ANK3: variants seen among roughly 807,000 people sequenced by gnomAD.
The protein encoded by ANK3 is ankyrin 3, also known as ankyrin-3.
Under a neutral mutation model 370.9 loss-of-function variants are expected in ANK3, and 57 were observed. That is an observed-to-expected ratio of 0.15 (90% CI 0.12 to 0.19). The LOEUF is 0.19. Among genes scored for constraint, ANK3 ranks in the 10% least tolerant of loss-of-function variants. The probability of loss-of-function intolerance (pLI) is 1.00; values close to 1 mark genes in which losing one functional copy is unlikely to be tolerated. For missense variants in ANK3, 4,439 were observed against 5,302.1 expected, an observed-to-expected ratio of 0.84 and a Z score of 5.06; for synonymous variants, 1,929 against 1,946.3, an observed-to-expected ratio of 0.99 and a Z score of 0.23.
intron 17 of ANK3, among the ~76,000 whole-genome samples, chr10:60,186,171 A>G (rs2096323420): frequency 6.6e-6 from 1 of 152,174 alleles, no homozygotes; most frequent in African/African-American, 2.4e-5. Flanking sequence ...CTTCTTTGCT[A>G]TGTTATGGTG....
intron 2 of ANK3, among the ~76,000 whole-genome samples, chr10:60,494,197 T>A (rs1283658137): frequency 6.6e-6 from 1 of 152,184 alleles, no homozygotes; most frequent in Non-Finnish European, 1.5e-5. Flanking sequence ...ATGAGACTAT[T>A]TGAGTCAAGA....
At chr10:60,058,288 A>G (rs1436795592) in intron 41 of ANK3, among the ~76,000 whole-genome samples, 2 of 152,218 alleles carry the variant, frequency 1.3e-5, no homozygotes, top group Non-Finnish European at 2.9e-5. Context: ...ATTTGAAACT[A>G]TGTCTCAGAT....
chr10:60,575,339 G>GA (rs5785457), intron 2 of ANK3, among the ~76,000 whole-genome samples: 44 of 144,296 alleles, frequency 3.0e-4, no homozygotes, highest in Admixed American at 4.8e-4. Flanking sequence ...TGGTTGGATG[G>GA]AAAAAAAAAA....
intron 1 of ANK3, among the ~76,000 whole-genome samples, chr10:60,355,493 A>G (rs1017809075): frequency 5.3e-5 from 8 of 152,076 alleles, no homozygotes; most frequent in Non-Finnish European, 1.0e-4. Context: ...GAGCTAGGAG[A>G]TTGGGCAAAG....
chr10:60,145,906 A>G (rs2094796388), intron 23 of ANK3: 1 of 703,132 alleles, frequency 1.4e-6, no homozygotes, highest in Admixed American at 2.0e-5. Context: ...TGAATGAAAG[A>G]GCAGTGATTG....
intron 23 of ANK3, among the ~76,000 whole-genome samples, chr10:60,152,621 T>G (rs2095181914): frequency 6.6e-6 from 1 of 152,228 alleles, no homozygotes; most frequent in Non-Finnish European, 1.5e-5. Context: ...TAGTTTTGTA[T>G]TTGTACTACT....
intron 42 of ANK3, chr10:60,053,712 C>G: frequency 1.5e-6 from 2 of 1,303,952 alleles, no homozygotes; most frequent in Non-Finnish European, 2.0e-6. Flanking sequence ...GTAGGAGCCG[C>G]ACCCGGACTT....
In ANK3 at chr10:60,363,284, C is replaced by T. The variant is rs534437482; in HGVS notation, c.114+26141G>A. Among the ~76,000 whole-genome samples, 53 of 152,200 alleles carry T rather than the reference C, an allele frequency of 3.5e-4. No homozygotes were observed. The South Asian group carries it at 7.9e-3, about 23-fold the overall frequency. On this transcript the variant is annotated intron_variant, in intron 1 of 43. Coordinates refer to ENST00000280772, the MANE Select transcript of ANK3 (RefSeq NM_020987.5). ...GGAGCGAAGGCCAACATCACTAAAC[C>T]GAAATAGCACCAGCAGCTGTCTACC...
chr10:60,571,314 A>T (rs572708970), intron 2 of ANK3, among the ~76,000 whole-genome samples: 2 of 152,216 alleles, frequency 1.3e-5, no homozygotes, highest in Non-Finnish European at 2.9e-5. Flanking sequence ...GTCTGCTGGT[A>T]GTAGGTCCCT....
Position 60,084,663 on chromosome 10 carries a change from A to G in ANK3, c.4013T>C (p.Val1338Ala), listed in dbSNP as rs1036443241. The change falls in exon 32 of 44, where the codon GTG becomes GCG. Residue 1338 changes from valine to alanine, a missense_variant. Physicochemically the swap from Val to Ala is moderately conservative, Grantham distance 64. This residue lies in a region of ANK3 where 702 missense variants were observed against 941.5 expected (regional missense o/e 0.75). Transcript: ENST00000280772. Reference protein sequence around the residue: ...LRCFCMTDDKVDKTLEQQENF... With the variant: ...LRCFCMTDDKADKTLEQQENF... ...CTCTTGTTGCTCTAAAGTTTTGTCC[A>G]CTTTGTCATCTGTCATGCAGAAACA... 5 of 1,613,836 alleles carry G rather than the reference A, an allele frequency of 3.1e-6. No homozygotes were observed. In the Admixed American group the frequency reaches 5.0e-5, roughly 16 times the overall value.
At chr10:60,589,045 A>T (rs2077874417) in intron 2 of ANK3, among the ~76,000 whole-genome samples, 1 of 152,216 alleles carries the variant, frequency 6.6e-6, no homozygotes, top group Non-Finnish European at 1.5e-5. Context: ...CCTGACTCAA[A>T]CAAGTCTATT....
At chr10:60,529,386 A>G (rs140895176) in intron 2 of ANK3, among the ~76,000 whole-genome samples, 170 of 152,318 alleles carry the variant, frequency 1.1e-3, no homozygotes, top group Non-Finnish European at 2.2e-3. Flanking sequence ...ACAGATGCAC[A>G]TGGTGGAAGA....
At chr10:60,077,672 A>T (rs979669186) in intron 36 of ANK3, among the ~76,000 whole-genome samples, 1 of 152,208 alleles carries the variant, frequency 6.6e-6, no homozygotes, top group African/African-American at 2.4e-5. Context: ...CCTAATCTAC[A>T]TTTAATTTTC....
chr10:60,659,454 C>T (rs1393470670), intron 1 of ANK3, among the ~76,000 whole-genome samples: 1 of 151,988 alleles, frequency 6.6e-6, no homozygotes, highest in Non-Finnish European at 1.5e-5. Context: ...TTAATTATTA[C>T]TTTATTCTAT....
chr10:60,173,973 T>C (rs1365926737), intron 18 of ANK3, among the ~76,000 whole-genome samples: 3 of 152,182 alleles, frequency 2.0e-5, no homozygotes, highest in Non-Finnish European at 4.4e-5. Context: ...TATAACATAC[T>C]ACCCCGCAAT....
At position 60,507,860 on chromosome 10, in the gene ANK3, A is replaced by C. The variant is rs903536696; in HGVS notation, c.96+107326T>G. 129 of 152,240 alleles carry C rather than the reference A, an allele frequency of 8.5e-4. 1 individual carries two copies. The highest frequency in any genetic ancestry group is 8.3e-3 in the Admixed American group (127 of 15,270). 9.4% of individuals were successfully genotyped at this position (152,240 alleles called of 1,614,324 possible). A position where few individuals can be genotyped will look rare whatever the true frequency, so the allele number is the denominator to read the frequency against. On this transcript the variant is annotated intron_variant, in intron 2 of 43. Transcript: ENST00000373827. ...ATGACAATGTATTTTTCCAATAGTA[A>C]GTTGAATAGGAATCCACATTCCTAT...
intron 2 of ANK3, among the ~76,000 whole-genome samples, chr10:60,518,863 T>C (rs2076285078): frequency 6.6e-6 from 1 of 152,034 alleles, no homozygotes. Context: ...GGCATTTTGA[T>C]AATTCATGAC....
At chr10:60,348,208 C>G (rs1480310412) in intron 1 of ANK3, among the ~76,000 whole-genome samples, 2 of 152,040 alleles carry the variant, frequency 1.3e-5, no homozygotes, top group Non-Finnish European at 2.9e-5. Context: ...CAAACAGACT[C>G]ATATTTGAGT....
chr10:60,299,292 T>C (rs1372243267), intron 1 of ANK3, among the ~76,000 whole-genome samples: 1 of 152,188 alleles, frequency 6.6e-6, no homozygotes, highest in African/African-American at 2.4e-5. Context: ...AGATGAAAAC[T>C]GAATCCATTT....
Sources: allele counts gnomAD v4.1 joint callset (sites outside exome capture counted in the v4.1 genomes callset), GRCh38; gene constraint gnomAD v4.1.1; regional missense constraint gnomAD v4.1.1; transcripts MANE v1.5; gene names NCBI Gene and HGNC (gene_info 2026-07-23, HGNC 2026-07-21).